The following HIGD1A variants were observed in gnomAD, a reference collection of about 807,000 sequenced individuals.
HIGD1A encodes the protein HIG1 hypoxia inducible domain family member 1A, also known as HIG1 domain family member 1A, mitochondrial.
HIGD1A carries 8 observed loss-of-function variants against 11.3 expected under a neutral mutation model. The ratio of observed to expected loss-of-function variants is 0.71; its 90% CI spans 0.42 to 1.28. The LOEUF is 1.28. HIGD1A is among the 50% of genes most tolerant of loss of function. The pLI, the probability that HIGD1A is intolerant of heterozygous loss-of-function variation, is 0.01. For missense variants in HIGD1A, 107 were observed against 118.8 expected (o/e 0.90, Z 0.46); for synonymous variants, 32 against 38.4 (o/e 0.83, Z 0.62).
At chr3:42,786,422 C>T (rs1182408219) in intron 2 of HIGD1A, among the ~76,000 whole-genome samples, 2 of 152,080 alleles carry the variant, frequency 1.3e-5, no homozygotes, top group African/African-American at 2.4e-5. Flanking sequence ...TAAAAAACTG[C>T]TAGGGAATTA....
chr3:42,804,190 A>T (rs1379758000), intron 1 of HIGD1A: 1 of 1,609,618 alleles, frequency 6.2e-7, no homozygotes, highest in African/African-American at 1.3e-5. Context: ...CTTCTGCTCC[A>T]TCTCCTCGCT....
intron 2 of HIGD1A, among the ~76,000 whole-genome samples, chr3:42,788,942 T>C (rs142274189): frequency 1.7e-3 from 264 of 151,146 alleles, no homozygotes; most frequent in African/African-American, 5.7e-3. Context: ...ATTATAAACA[T>C]AGATATAAAA....
At chr3:42,791,926 G>A (rs1375120632) in intron 2 of HIGD1A, among the ~76,000 whole-genome samples, 1 of 152,002 alleles carries the variant, frequency 6.6e-6, no homozygotes, top group South Asian at 2.1e-4. Context: ...ATAGATCACT[G>A]TTACAAAACA....
In HIGD1A at chr3:42,783,783, T is replaced by C. The variant is rs1700310727; in HGVS notation, c.*1488A>G. ...AATAAATAGAAGAGTGTTATAATTATATGGATAATCAGCTGGGCGTGGTGG... is the reference window on the plus strand; with the variant it reads ...AATAAATAGAAGAGTGTTATAATTACATGGATAATCAGCTGGGCGTGGTGG... On this transcript the variant is annotated 3_prime_UTR_variant, in exon 4 of 4. Coordinates refer to ENST00000321331, the MANE Select transcript of HIGD1A (RefSeq NM_014056.4). Among the ~76,000 whole-genome samples the C allele has an allele frequency of 6.6e-6, 1 of 151,962 alleles. No homozygotes were observed. The highest frequency in any genetic ancestry group is 1.5e-5 in the Non-Finnish European group (1 of 67,980).
At chr3:42,789,093 T>G (rs1700388290) in intron 2 of HIGD1A, among the ~76,000 whole-genome samples, 1 of 135,350 alleles carries the variant, frequency 7.4e-6, no homozygotes, top group African/African-American at 2.8e-5. Flanking sequence ...CAGGCTGGAG[T>G]GCAGTGGTGC....
chr3:42,800,441 C>T (rs1012940398), intron 1 of HIGD1A, among the ~76,000 whole-genome samples: 2 of 152,040 alleles, frequency 1.3e-5, no homozygotes, highest in African/African-American at 4.8e-5. Flanking sequence ...CACATTCTGA[C>T]CACATTAAAT....
intron 2 of HIGD1A, among the ~76,000 whole-genome samples, chr3:42,789,044 T>TTC (rs994851207): frequency 8.3e-5 from 12 of 143,774 alleles, no homozygotes; most frequent in Non-Finnish European, 1.5e-4. Context: ...GGGAATTTTT[T>TTC]TTTTTTTTTT....
At position 42,784,778 on chromosome 3, in the gene HIGD1A, C is replaced by T. The variant is rs1700329496; in HGVS notation, c.*493G>A. 2 of 153,686 alleles carry T rather than the reference C, an allele frequency of 1.3e-5. No homozygotes were observed. The highest frequency in any genetic ancestry group is 4.8e-5 in the African/African-American group (2 of 41,450). 9.5% of individuals were successfully genotyped at this position (153,686 alleles called of 1,614,324 possible). A position where few individuals can be genotyped will look rare whatever the true frequency, so the allele number is the denominator to read the frequency against. On this transcript the variant is annotated 3_prime_UTR_variant, in exon 4 of 4. Transcript: ENST00000321331. ...GTTTAAACACATGCATATATATTGTCAATTGTGGGAAGCTTTACAAGTTAT... is the reference window on the plus strand; with the variant it reads ...GTTTAAACACATGCATATATATTGTTAATTGTGGGAAGCTTTACAAGTTAT...
At chr3:42,799,947 G>A (rs183694530) in intron 1 of HIGD1A, among the ~76,000 whole-genome samples, 1 of 152,286 alleles carries the variant, frequency 6.6e-6, no homozygotes, top group African/African-American at 2.4e-5. Flanking sequence ...TGGCTTTGAA[G>A]AAACTGCATA....
At chr3:42,791,875 A>C (rs1700425570) in intron 2 of HIGD1A, among the ~76,000 whole-genome samples, 1 of 152,380 alleles carries the variant, frequency 6.6e-6, no homozygotes, top group African/African-American at 2.4e-5. Flanking sequence ...GTACGTGCTC[A>C]AATTATTTTT....
intron 2 of HIGD1A, among the ~76,000 whole-genome samples, chr3:42,788,538 T>C (rs1700380060): frequency 6.6e-6 from 1 of 152,136 alleles, no homozygotes; most frequent in Non-Finnish European, 1.5e-5. Flanking sequence ...TACATTTTTT[T>C]CCAATATATT....
chr3:42,787,813 AACTT>A (rs1310737603), intron 2 of HIGD1A, among the ~76,000 whole-genome samples: 2 of 150,870 alleles, frequency 1.3e-5, no homozygotes, highest in Non-Finnish European at 3.0e-5. Flanking sequence ...CCATTAAATA[AACTT>A]ACTTAAATTC....
In HIGD1A at chr3:42,792,813, T is replaced by A. The variant is rs1441431416; in HGVS notation, c.97+1344A>T. Among the ~76,000 whole-genome samples the A allele has an allele frequency of 2.0e-5, 3 of 150,876 alleles. No individual in the cohort carries two copies. The South Asian group carries it at 6.3e-4, about 32-fold the overall frequency. ...TGGCCAACATGATGAAACCCCCATC[T>A]CTACTAAAAATACAAAGAAATTAGC... On this transcript the variant is annotated intron_variant, in intron 2 of 3. Coordinates refer to ENST00000321331, the MANE Select transcript of HIGD1A (RefSeq NM_014056.4).
intron 1 of HIGD1A, among the ~76,000 whole-genome samples, chr3:42,800,709 G>A (rs1349504208): frequency 6.6e-6 from 1 of 151,540 alleles, no homozygotes; most frequent in Non-Finnish European, 1.5e-5. Flanking sequence ...TATATTTGAG[G>A]TCTTGCCTAA....
chr3:42,796,294 ACTT>A (rs567246576), intron 1 of HIGD1A, among the ~76,000 whole-genome samples: 87 of 152,306 alleles, frequency 5.7e-4, no homozygotes, highest in African/African-American at 2.0e-3. Context: ...GTACTCCATT[ACTT>A]CTTAACTGAA....
Position 42,802,604 on chromosome 3 carries a change from C to T in HIGD1A, c.-23+1832G>A, listed in dbSNP as rs182846747. Among the ~76,000 whole-genome samples the T allele has an allele frequency of 5.5e-3, 831 of 152,238 alleles. 3 individuals are homozygous for T. Among genetic ancestry groups the T allele is most frequent in the Non-Finnish European group, 9.2e-3 (627 of 68,018 alleles). ...TTCCAAAGTATTCATGGTTTATAGC[C>T]ACCTGAATTGAAAACTGGTTAAGTA... On this transcript the variant is annotated intron_variant, in intron 1 of 3. Transcript: ENST00000321331.
rs965896842 is a variant in HIGD1A at position 42,784,030 on chromosome 3, C to T, written c.*1241G>A. 6.9e-6 allele frequency among the ~76,000 whole-genome samples: 1 copy of T among 145,954 alleles called. No individual in the cohort carries two copies. The highest frequency in any genetic ancestry group is 2.6e-5 in the African/African-American group (1 of 39,200). The stretch of plus-strand genomic sequence containing the variant: ...GATGGAAGTTGCAGTGAGCCAAGAT[C>T]GTGCCACTGCACGCCAGCCAAGATG... On this transcript the variant is annotated 3_prime_UTR_variant, in exon 4 of 4. Transcript: ENST00000321331.
intron 1 of HIGD1A, among the ~76,000 whole-genome samples, chr3:42,798,580 T>C (rs1411360543): frequency 2.9e-4 from 1 of 3,390 alleles, no homozygotes; most frequent in African/African-American, 3.2e-4. Flanking sequence ...GAGGAGCCCC[T>C]CTGGCTGGCC....
At chr3:42,794,384 T>C in intron 1 of HIGD1A, 109 bp from the exon 2 acceptor site, 1 of 1,049,838 alleles carries the variant, frequency 9.5e-7, no homozygotes, top group Non-Finnish European at 1.3e-6. Context: ...TAGTATATGT[T>C]ATCCATAATC....
Sources: gnomAD v4.1 joint callset for allele counts (sites outside exome capture counted in the v4.1 genomes callset) on GRCh38, gnomAD v4.1.1 for gene constraint, MANE v1.5 for transcripts, NCBI Gene and HGNC (gene_info 2026-07-23, HGNC 2026-07-21) for gene names.